ZZEF1: variants seen among roughly 807,000 people sequenced by gnomAD.
ZZEF1 encodes zinc finger ZZ-type and EF-hand domain containing 1.
In ZZEF1, 157 loss-of-function variants were observed where a neutral mutation model predicts 342.8. The ratio of observed to expected loss-of-function variants is 0.46; its 90% CI spans 0.40 to 0.52. ZZEF1 has a LOEUF of 0.52. Among genes scored for constraint, ZZEF1 ranks in the 20% least tolerant of loss-of-function variants. The pLI, the probability that ZZEF1 is intolerant of heterozygous loss-of-function variation, is 0.00. For missense variants in ZZEF1, 3,480 were observed against 3,725.6 expected, an observed-to-expected ratio of 0.93 and a Z score of 1.72; for synonymous variants, 1,505 against 1,429.1, an observed-to-expected ratio of 1.05 and a Z score of -1.20.
Position 4,085,722 on chromosome 17 carries a change from G to A in ZZEF1, c.2594C>T (p.Ala865Val), listed in dbSNP as rs1414455834. The A allele has an allele frequency of 6.2e-7, 1 of 1,614,126 alleles. No individual in the cohort carries two copies. Among genetic ancestry groups the A allele is most frequent in the East Asian group, 2.2e-5 (1 of 44,884 alleles). ...GGTCTGTCGATTAGGAAAGAAGATG[G>A]CAGCCCCATTGAGAAGGGTATTCCT... ...EVRNTLLNGA[A>V]IFFPNRQTRR... The change falls in exon 16 of 55, where the codon GCC becomes GTC. Residue 865 changes from alanine (A) to valine (V), a missense_variant. Around this residue, in one of 5 missense-constraint regions of ZZEF1, gnomAD observed 1,528 missense variants for 1,624.1 expected, o/e 0.94. Coordinates refer to ENST00000381638, the MANE Select transcript of ZZEF1 (RefSeq NM_015113.4).
chr17:4,126,170 C>T (rs764817294), intron 1 of ZZEF1, among the ~76,000 whole-genome samples: 32 of 146,170 alleles, frequency 2.2e-4, no homozygotes, highest in Non-Finnish European at 4.2e-4. Flanking sequence ...GGCTGCAGTG[C>T]GCTGAGATCA....
At chr17:4,015,502 C>T (rs1021087687) in intron 49 of ZZEF1, among the ~76,000 whole-genome samples, 5 of 152,238 alleles carry the variant, frequency 3.3e-5, no homozygotes, top group African/African-American at 4.8e-5. Context: ...AGGTGGCTCA[C>T]GCCTGTAATC....
intron 1 of ZZEF1, among the ~76,000 whole-genome samples, chr17:4,126,953 C>T (rs1009381095): frequency 9.2e-5 from 14 of 151,486 alleles, no homozygotes; most frequent in Admixed American, 4.6e-4. Context: ...GGTGCTAGAG[C>T]GAGAGTCTGT....
At chr17:4,128,768 ATTTTTTTTT>A (rs71144169) in intron 1 of ZZEF1, among the ~76,000 whole-genome samples, 1 of 98,236 alleles carries the variant, frequency 1.0e-5, no homozygotes, top group Non-Finnish European at 2.1e-5. Context: ...GGCCAAAATC[ATTTTTTTTT>A]TTTTTTTTTT....
chr17:4,060,096 T>C (rs1257430297), intron 30 of ZZEF1, among the ~76,000 whole-genome samples: 1 of 152,216 alleles, frequency 6.6e-6, no homozygotes, highest in Admixed American at 6.5e-5. Context: ...CCTTCCTCCA[T>C]GTACTTGCCT....
intron 42 of ZZEF1, among the ~76,000 whole-genome samples, chr17:4,029,370 ACAGAG>A (rs2056485852): frequency 6.6e-6 from 1 of 150,480 alleles, no homozygotes; most frequent in Non-Finnish European, 1.5e-5. Context: ...TAAATAATCC[ACAGAG>A]CAAAGAAAAA....
In ZZEF1 at chr17:4,034,230, G is replaced by A; in HGVS notation, c.6369C>T (p.Ile2123=). The A allele has an allele frequency of 1.2e-6, 2 of 1,614,234 alleles. No homozygotes were observed. Among genetic ancestry groups the A allele is most frequent in the South Asian group, 1.1e-5 (1 of 91,090 alleles). ...TTTCATTCAGGTGGCCTGCGTTTGA[G>A]ATGACAACCTGAAACATGAGTGGAA... ...HVLPLMFQVV[I]SNAGHLNETY... is the part of the protein sequence containing the mutation. Residue 2123 remains isoleucine (I), a synonymous_variant, in exon 40 of 55, where the codon ATC becomes ATT. Transcript: ENST00000381638.
chr17:4,088,250 CA>C (rs1335595766), intron 13 of ZZEF1, among the ~76,000 whole-genome samples: 16 of 152,216 alleles, frequency 1.1e-4, no homozygotes, highest in African/African-American at 3.6e-4. Flanking sequence ...AGTTAGAAAT[CA>C]AAAAATCATT....
intron 7 of ZZEF1, among the ~76,000 whole-genome samples, chr17:4,105,235 G>A (rs894345894): frequency 1.3e-5 from 2 of 152,186 alleles, no homozygotes; most frequent in Non-Finnish European, 2.9e-5. Context: ...TCAGGGACTG[G>A]TTTGACCTCT....
chr17:4,087,427 G>T lies in ZZEF1; in HGVS notation c.2342+7C>A. 1 of 1,603,516 alleles carries T rather than the reference G, an allele frequency of 6.2e-7. No homozygotes were observed. Among genetic ancestry groups the T allele is most frequent in the South Asian group, 1.1e-5 (1 of 88,834 alleles). ...TGCTTATCACCTTATAACAAATTCT[G>T]ACCTACTTTTGCTTTAATTTACTGT... On this transcript the variant is annotated splice_region_variant and intron_variant, in intron 14 of 54. Transcript: ENST00000381638.
At position 4,051,033 on chromosome 17, in the gene ZZEF1, T is replaced by C. The variant is rs777199096; in HGVS notation, c.5611A>G (p.Thr1871Ala). ...ATTGGGTGGGCCGTGATGCTGTGGG[T>C]AGGCAAATGGCTGCAAAGGCAAGAC... is the stretch of plus-strand genomic sequence containing the variant. The part of the protein sequence containing the change: ...AKKYSYGHLP[T>A]HSITAHPMVT... The change falls in exon 36 of 55, where the codon ACC (threonine) becomes GCC (alanine). Residue 1871 changes from threonine (T) to alanine (A), a missense_variant. Physicochemically the swap from Thr to Ala is moderately conservative, Grantham distance 58. This residue lies in a region of ZZEF1 where 175 missense variants were observed against 254.6 expected (regional missense o/e 0.69). Coordinates refer to ENST00000381638, the MANE Select transcript of ZZEF1 (RefSeq NM_015113.4). The C allele has an allele frequency of 1.9e-6, 3 of 1,614,144 alleles. No homozygotes were observed. The highest frequency in any genetic ancestry group is 2.2e-5 in the East Asian group (1 of 44,892).
chr17:4,085,828 G>A, intron 15 of ZZEF1, 25 bp from the exon 16 acceptor site: 3 of 1,612,608 alleles, frequency 1.9e-6, no homozygotes, highest in Non-Finnish European at 2.5e-6. Flanking sequence ...AATGGCATCA[G>A]CTTTCATATA....
intron 52 of ZZEF1, 68 bp downstream of exon 52, chr17:4,013,381 G>A (rs865793068): frequency 1.4e-6 from 2 of 1,419,222 alleles, no homozygotes; most frequent in South Asian, 1.5e-5. Context: ...CTAACAGCAA[G>A]AAAGGGCCAG....
At position 4,025,872 on chromosome 17, in the gene ZZEF1, G is replaced by A. The variant is rs988341066; in HGVS notation, c.6893-754C>T. On this transcript the variant is annotated intron_variant, in intron 42 of 54. Transcript: ENST00000381638. The stretch of plus-strand genomic sequence containing the variant: ...GAGAGAAGGGATATAAACTAGATCC[G>A]CCCTCCAATAGCACCAGCTATCTGC... 2.6e-5 allele frequency among the ~76,000 whole-genome samples: 4 copies of A among 152,166 alleles called. No individual in the cohort carries two copies. The South Asian group carries it at 6.2e-4, about 24-fold the overall frequency.
chr17:4,124,221 G>A (rs1413038075), intron 1 of ZZEF1, among the ~76,000 whole-genome samples, 170 bp from the exon 2 acceptor site: 2 of 152,180 alleles, frequency 1.3e-5, no homozygotes, highest in African/African-American at 2.4e-5. Flanking sequence ...AACTCACTGC[G>A]CTTTGTAGGA....
At position 4,022,280 on chromosome 17, in the gene ZZEF1, C is replaced by T. The variant is rs114994425; in HGVS notation, c.7212+429G>A. ...AGTCCACAGGGAACCACAGTAGTTC[C>T]GCTAAGAAAACTCTAAGGTCTACGG... On this transcript the variant is annotated intron_variant, in intron 44 of 54. Transcript: ENST00000381638. 3.4e-3 allele frequency: 536 copies of T among 158,006 alleles called. 7 individuals carry two copies. Among genetic ancestry groups the T allele is most frequent in the African/African-American group, 0.012 (506 of 41,588 alleles). 9.8% of individuals were successfully genotyped at this position (158,006 alleles called of 1,614,324 possible).
chr17:4,107,077 T>C (rs1036804085), intron 6 of ZZEF1, among the ~76,000 whole-genome samples: 15 of 152,234 alleles, frequency 9.9e-5, no homozygotes, highest in African/African-American at 2.7e-4. Context: ...GATCATTTAC[T>C]GAATTTATTT....
intron 9 of ZZEF1, among the ~76,000 whole-genome samples, chr17:4,098,618 GCTT>G (rs1441250494): frequency 6.6e-6 from 1 of 151,968 alleles, no homozygotes; most frequent in Non-Finnish European, 1.5e-5. Flanking sequence ...CAATAAATAA[GCTT>G]TTTTTTCTGG....
chr17:4,022,808 G>T lies in ZZEF1; in HGVS notation c.7113C>A (p.Ile2371=). 3 of 1,613,802 alleles carry T rather than the reference G, an allele frequency of 1.9e-6. No individual in the cohort carries two copies. Among genetic ancestry groups the T allele is most frequent in the Non-Finnish European group, 2.5e-6 (3 of 1,179,992 alleles). The change falls in exon 44 of 55, where the codon ATC becomes ATA. Residue 2371 remains isoleucine (I), a synonymous_variant. Coordinates refer to ENST00000381638, the MANE Select transcript of ZZEF1 (RefSeq NM_015113.4). ...AATCGGTCTGAAGGAAAGTAGCACGGATCTCCTCAAAACCGTGAGCCTGCC... is the reference window on the plus strand; with the variant it reads ...AATCGGTCTGAAGGAAAGTAGCACGTATCTCCTCAAAACCGTGAGCCTGCC... The part of the protein sequence containing the change: ...KTLKAHGFEE[I]RATFLQTDLL...
Sources: gnomAD v4.1 joint callset for allele counts (sites outside exome capture counted in the v4.1 genomes callset) on GRCh38, gnomAD v4.1.1 for gene constraint, gnomAD v4.1.1 regional missense constraint, MANE v1.5 for transcripts, NCBI Gene and HGNC (gene_info 2026-07-23, HGNC 2026-07-21) for gene names.